TSG101: variants seen among roughly 807,000 people sequenced by gnomAD.
TSG101 encodes the protein tumor susceptibility gene 101 protein.
In TSG101, 19 loss-of-function variants were observed where a neutral mutation model predicts 48.5. The observed-to-expected ratio is 0.39, with a 90% confidence interval of 0.27 to 0.58. The LOEUF (loss-of-function observed/expected upper bound fraction) is 0.58, where lower values mean the gene tolerates loss of function less well. Ranked by LOEUF, TSG101 falls within the 20% of genes least tolerant of loss-of-function variation. The pLI, the probability that TSG101 is intolerant of heterozygous loss-of-function variation, is 0.55. For synonymous variants in TSG101, 174 were observed against 169.4 expected, an observed-to-expected ratio of 1.03 and a Z score of -0.21; for missense variants, 365 against 484.4, an observed-to-expected ratio of 0.75 and a Z score of 2.31.
At chr11:18,519,475 A>C in intron 2 of TSG101, 44 bp downstream of exon 2, 2 of 1,449,960 alleles carry the variant, frequency 1.4e-6, no homozygotes, top group Non-Finnish European at 1.9e-6. Context: ...CAAAGAGAGT[A>C]AACTCAAAGT....
At chr11:18,511,990 A>G (rs905948635) in intron 4 of TSG101, among the ~76,000 whole-genome samples, 2 of 152,208 alleles carry the variant, frequency 1.3e-5, no homozygotes, top group Non-Finnish European at 2.9e-5. Context: ...ACATTCTTAC[A>G]GTTTTGTCAA....
At chr11:18,481,399 G>A (rs1849537390) in intron 9 of TSG101, 3 of 1,315,788 alleles carry the variant, frequency 2.3e-6, no homozygotes, top group South Asian at 3.9e-5. Context: ...AATGCTGCCT[G>A]TGGGCAGAGA....
At chr11:18,499,603 G>A (rs1849856323) in intron 7 of TSG101, among the ~76,000 whole-genome samples, 1 of 149,700 alleles carries the variant, frequency 6.7e-6, no homozygotes, top group African/African-American at 2.5e-5. Context: ...AGTAGAGACA[G>A]GGTTTCACCA....
At chr11:18,484,109 C>T (rs1302552438) in intron 7 of TSG101, 37 bp from the exon 8 acceptor site, 4 of 1,604,370 alleles carry the variant, frequency 2.5e-6, no homozygotes, top group South Asian at 2.2e-5. Flanking sequence ...TTGCTTACTT[C>T]CCAAGTTCCT....
At chr11:18,490,845 T>G (rs1849689092) in intron 7 of TSG101, 2 of 547,232 alleles carry the variant, frequency 3.7e-6, no homozygotes, top group African/African-American at 1.9e-5. Flanking sequence ...CTCTCTTCGT[T>G]GGAGTATTCA....
Position 18,480,568 on chromosome 11 carries a change from G to C in TSG101, c.1151C>G (p.Ala384Gly). ...AAGTCAGTAGAGGTCACTGAGACCG[G>C]CAGTCTTTCTTGCTTTTTGCATTAG... ...RALMQKARKTAGLSDLY is the reference protein window; with the variant it reads ...RALMQKARKTGGLSDLY Residue 384 changes from alanine (A) to glycine (G), a missense_variant, in exon 10 of 10, where the codon GCC becomes GGC. Coordinates refer to ENST00000251968, the MANE Select transcript of TSG101 (RefSeq NM_006292.4). 6.2e-7 allele frequency: 1 copy of C among 1,613,746 alleles called. No homozygotes were observed. The highest frequency in any genetic ancestry group is 8.5e-7 in the Non-Finnish European group (1 of 1,179,810).
Position 18,508,221 on chromosome 11 carries a change from C to CTT in TSG101, c.482-1300_482-1299dup, listed in dbSNP as rs528297285. Among the ~76,000 whole-genome samples, 446 of 135,870 alleles carry CTT rather than the reference C, an allele frequency of 3.3e-3. 5 individuals carry two copies. Among genetic ancestry groups the CTT allele is most frequent in the African/African-American group, 9.3e-3 (342 of 36,794 alleles). 89.1% of individuals were successfully genotyped at this position (135,870 alleles called of 152,430 possible). On this transcript the variant is annotated intron_variant, in intron 5 of 9. Transcript: ENST00000251968. Reference sequence around the variant, plus strand: ...AATGAGACTAGGAAATATTTGATATCTTTTTTTTTTTTTTTTTTGATACAG... The same window carrying CTT: ...AATGAGACTAGGAAATATTTGATATCTTTTTTTTTTTTTTTTTTTTGATACAG...
In TSG101 at chr11:18,519,574, T is replaced by C. The variant is rs1281735657; in HGVS notation, c.72A>G (p.Glu24=). ...TGTATAGAGTAATAACATTGACAGT[T>C]TCACGTACAGTTAGGTCTCTGTATT... ...KYKYRDLTVR[E]TVNVITLYKD... The change falls in exon 2 of 10, where the codon GAA becomes GAG. Residue 24 remains glutamate, a synonymous_variant. Coordinates refer to ENST00000251968, the MANE Select transcript of TSG101 (RefSeq NM_006292.4). 6.2e-7 allele frequency: 1 copy of C among 1,612,890 alleles called. No individual in the cohort carries two copies. Among genetic ancestry groups the C allele is most frequent in the Non-Finnish European group, 8.5e-7 (1 of 1,179,668 alleles).
At chr11:18,489,645 G>A (rs1024256018) in intron 7 of TSG101, among the ~76,000 whole-genome samples, 1 of 152,148 alleles carries the variant, frequency 6.6e-6, no homozygotes, top group Non-Finnish European at 1.5e-5. Context: ...TAAATTTCAG[G>A]ATTCGAGTTT....
At chr11:18,488,132 A>C (rs1849647393) in intron 7 of TSG101, among the ~76,000 whole-genome samples, 1 of 152,230 alleles carries the variant, frequency 6.6e-6, no homozygotes, top group South Asian at 2.1e-4. Context: ...ACAAAGCAAG[A>C]AAAGAGCTAC....
intron 7 of TSG101, among the ~76,000 whole-genome samples, chr11:18,499,253 ATTATATATATT>A (rs1386131657): frequency 7.4e-6 from 1 of 134,742 alleles, no homozygotes; most frequent in African/African-American, 2.8e-5. Context: ...ATATTTATAT[ATTATATATATT>A]TTATATATAT....
intron 7 of TSG101, among the ~76,000 whole-genome samples, chr11:18,501,887 GA>G (rs1849896001): frequency 6.6e-6 from 1 of 152,288 alleles, no homozygotes; most frequent in African/African-American, 2.4e-5. Context: ...CATTAGAGGG[GA>G]TAAGGTCTAG....
At chr11:18,514,631 A>C (rs747713262) in intron 4 of TSG101, 47 bp downstream of exon 4, 1 of 1,462,716 alleles carries the variant, frequency 6.8e-7, no homozygotes, top group South Asian at 1.6e-5. Context: ...GCTAGTGAGC[A>C]AAATATATAA....
intron 8 of TSG101, among the ~76,000 whole-genome samples, chr11:18,483,454 C>A (rs1405704029): frequency 6.8e-6 from 1 of 147,754 alleles, no homozygotes; most frequent in East Asian, 2.0e-4. Flanking sequence ...CAAGATTGCA[C>A]CACTTCACTC....
At chr11:18,513,420 T>C (rs914827130) in intron 4 of TSG101, among the ~76,000 whole-genome samples, 1 of 152,054 alleles carries the variant, frequency 6.6e-6, no homozygotes, top group African/African-American at 2.4e-5. Context: ...CTTAGCCTCC[T>C]GAGTAGCTGG....
At chr11:18,514,911 C>T in intron 3 of TSG101, 70 bp from the exon 4 acceptor site, 1 of 1,389,192 alleles carries the variant, frequency 7.2e-7, no homozygotes, top group Middle Eastern at 2.6e-4. Flanking sequence ...GTTAAAGGAA[C>T]AGAGGTTTAG....
rs1219237288 is a variant in TSG101 at position 18,481,839 on chromosome 11, T to C, written c.874A>G (p.Lys292Glu). The C allele has an allele frequency of 4.3e-6, 7 of 1,613,750 alleles. No homozygotes were observed. The highest frequency in any genetic ancestry group is 5.9e-6 in the Non-Finnish European group (7 of 1,180,022). Reference sequence around the variant, plus strand: ...GAACTGAGTTCTTCATCCTTCTTTTTCAAAAGTTCTATGTTTTTATCAACC... The same window carrying C: ...GAACTGAGTTCTTCATCCTTCTTTTCCAAAAGTTCTATGTTTTTATCAACC... ...AEVDKNIELL[K>E]KKDEELSSAL... is the part of the protein sequence containing the mutation. Residue 292 changes from lysine to glutamate, a missense_variant, in exon 9 of 10, where the codon AAA becomes GAA. Physicochemically the swap from Lys to Glu is moderately conservative, Grantham distance 56. Transcript: ENST00000251968.
chr11:18,522,906 T>A (rs573032089), intron 1 of TSG101, among the ~76,000 whole-genome samples: 2 of 152,342 alleles, frequency 1.3e-5, no homozygotes, highest in East Asian at 3.9e-4. Context: ...TTTGTTTTTT[T>A]CTTGACAGGA....
At chr11:18,511,816 T>G (rs1391426778) in intron 4 of TSG101, among the ~76,000 whole-genome samples, 7 of 152,186 alleles carry the variant, frequency 4.6e-5, no homozygotes, top group Non-Finnish European at 1.0e-4. Context: ...CCACAGCCCT[T>G]TAGCAACCAC....
Sources: allele counts gnomAD v4.1 joint callset (sites outside exome capture counted in the v4.1 genomes callset), GRCh38; gene constraint gnomAD v4.1.1; transcripts MANE v1.5; gene names NCBI Gene and HGNC (gene_info 2026-07-23, HGNC 2026-07-21).